The following KIFC3 variants were observed in gnomAD, a reference collection of about 807,000 sequenced individuals.
KIFC3 encodes kinesin family member C3, also known as kinesin-like protein KIFC3.
In KIFC3, 60 loss-of-function variants were observed where a neutral mutation model predicts 101.8. The ratio of observed to expected loss-of-function variants is 0.59; its 90% CI spans 0.48 to 0.73. The LOEUF is 0.73. Among genes scored for constraint, KIFC3 ranks in the 30% least tolerant of loss-of-function variants. KIFC3 has a pLI of 0.00. For missense variants in KIFC3, 966 were observed against 1,137.1 expected, an observed-to-expected ratio of 0.85 and a Z score of 2.16; for synonymous variants, 476 against 482.7, an observed-to-expected ratio of 0.99 and a Z score of 0.18.
chr16:57,848,674 C>T (rs1412735264), intron 1 of KIFC3, among the ~76,000 whole-genome samples: 1 of 152,124 alleles, frequency 6.6e-6, no homozygotes, highest in Non-Finnish European at 1.5e-5. Context: ...ATCTCCGATT[C>T]TGTGTGCAGA....
chr16:57,845,380 T>G (rs541890243), intron 1 of KIFC3, among the ~76,000 whole-genome samples: 3 of 152,318 alleles, frequency 2.0e-5, no homozygotes, highest in Admixed American at 1.3e-4. Context: ...TTGTTAAAAC[T>G]GAAGCCAATC....
intron 12 of KIFC3, among the ~76,000 whole-genome samples, chr16:57,763,289 C>A (rs907982028): frequency 8.5e-5 from 13 of 152,174 alleles, no homozygotes; most frequent in African/African-American, 3.1e-4. Flanking sequence ...ACTAAGCAAT[C>A]CCAAAGCAGA....
intron 1 of KIFC3, among the ~76,000 whole-genome samples, chr16:57,818,239 G>C (rs112829312): frequency 2.7e-4 from 41 of 151,778 alleles, no homozygotes; most frequent in African/African-American, 9.9e-4. Context: ...GAGCCACCAT[G>C]CCTGGTCTAT....
chr16:57,794,891 T>G (rs2054165396), intron 3 of KIFC3, 108 bp downstream of exon 3: 1 of 1,042,390 alleles, frequency 9.6e-7, no homozygotes, highest in South Asian at 1.9e-5. Flanking sequence ...GCGAGGTGGG[T>G]CCCCGGCTCT....
chr16:57,760,812 C>G lies in KIFC3; in HGVS notation c.2146G>C (p.Gly716Arg). The part of the protein sequence containing the change: ...DVIAALRSRQ[G>R]HVPFRNSKLT... ...TTGGAGTTGCGGAAGGGCACGTGGC[C>G]CTGGCGGGAGCGCAGGGCAGCAATG... The change falls in exon 16 of 20, where the codon GGC becomes CGC. Residue 716 changes from glycine (G) to arginine (R), a missense_variant. Gly to Arg is a moderately radical substitution (Grantham distance 125, BLOSUM62 -2). Transcript: ENST00000445690. The G allele has an allele frequency of 1.2e-6, 2 of 1,613,604 alleles. No individual in the cohort carries two copies. The highest frequency in any genetic ancestry group is 1.7e-6 in the Non-Finnish European group (2 of 1,180,004).
upstream of KIFC3, among the ~76,000 whole-genome samples, chr16:57,805,667 C>T (rs1489507302): frequency 1.4e-5 from 2 of 143,428 alleles, no homozygotes; most frequent in Admixed American, 7.5e-5. Context: ...GTGGTATGCC[C>T]ATAGACTTTT....
At chr16:57,768,137 C>T (rs1165806185) in intron 9 of KIFC3, among the ~76,000 whole-genome samples, 1 of 152,080 alleles carries the variant, frequency 6.6e-6, no homozygotes, top group Non-Finnish European at 1.5e-5. Flanking sequence ...ACCAGCCTGG[C>T]CAACATGGTG....
chr16:57,833,987 T>C (rs781796180), intron 1 of KIFC3, among the ~76,000 whole-genome samples: 1 of 149,598 alleles, frequency 6.7e-6, no homozygotes, highest in African/African-American at 2.5e-5. Context: ...CTCAGCCTCC[T>C]GAGTAGCTGG....
intron 1 of KIFC3, among the ~76,000 whole-genome samples, chr16:57,823,276 G>A (rs1454572846): frequency 1.3e-5 from 2 of 152,070 alleles, no homozygotes; most frequent in African/African-American, 2.4e-5. Flanking sequence ...ATCAACCTAT[G>A]ACCTGGAAGC....
At chr16:57,797,935 G>T in intron 2 of KIFC3, 137 bp downstream of exon 2, 1 of 1,529,932 alleles carries the variant, frequency 6.5e-7, no homozygotes, top group East Asian at 2.5e-5. Context: ...CGCCCGCCTG[G>T]CTCTGGGCTG....
chr16:57,803,068 G>C, upstream of KIFC3: 2 of 1,533,548 alleles, frequency 1.3e-6, no homozygotes, highest in South Asian at 1.2e-5. Context: ...CCTACTCGCT[G>C]GCCAGGCCGC....
At chr16:57,857,913 G>T (rs1405548239) in intron 1 of KIFC3, among the ~76,000 whole-genome samples, 1 of 129,848 alleles carries the variant, frequency 7.7e-6, no homozygotes, top group South Asian at 2.6e-4. Context: ...TGCAACTTCC[G>T]CCTCCTGGGT....
chr16:57,822,432 T>C (rs2055368776), intron 1 of KIFC3, among the ~76,000 whole-genome samples: 1 of 152,200 alleles, frequency 6.6e-6, no homozygotes, highest in Non-Finnish European at 1.5e-5. Flanking sequence ...CTGGGCGCGG[T>C]GGCTCACACC....
At chr16:57,845,704 C>T (rs2055904441) in intron 1 of KIFC3, among the ~76,000 whole-genome samples, 1 of 152,166 alleles carries the variant, frequency 6.6e-6, no homozygotes, top group African/African-American at 2.4e-5. Flanking sequence ...CACCTCTGCC[C>T]CAAGCTCTTT....
Position 57,797,813 on chromosome 16 carries a change from C to T in KIFC3, c.172+259G>A, listed in dbSNP as rs368748653. The T allele has an allele frequency of 8.6e-5, 120 of 1,398,732 alleles. No homozygotes were observed. The African/African-American group carries it at 1.7e-3, about 20-fold the overall frequency. The allele number at this position is 1,398,732 out of a possible 1,614,324, so 86.6% of individuals were successfully genotyped here. On this transcript the variant is annotated intron_variant, in intron 2 of 19. Transcript: ENST00000445690. Reference sequence around the variant, plus strand: ...TGGCCAGAGGGAATGCAGCTGATTCCCCCTGCTCTGTGCCCGACCCGTGTT... The same window carrying T: ...TGGCCAGAGGGAATGCAGCTGATTCTCCCTGCTCTGTGCCCGACCCGTGTT...
rs1395322661 is a variant in KIFC3 at position 57,760,789 on chromosome 16, G to T, written c.2169C>A (p.Ser723=). The change falls in exon 16 of 20, where the codon TCC becomes TCA. Residue 723 remains serine, a synonymous_variant. Coordinates refer to ENST00000445690, the MANE Select transcript of KIFC3 (RefSeq NM_001130100.2). ...AATCCTGCAGCAGGTAGGTGAGCTTGGAGTTGCGGAAGGGCACGTGGCCCT... is the reference window on the plus strand; with the variant it reads ...AATCCTGCAGCAGGTAGGTGAGCTTTGAGTTGCGGAAGGGCACGTGGCCCT... ...SRQGHVPFRN[S]KLTYLLQDSL... The T allele has an allele frequency of 6.2e-7, 1 of 1,613,766 alleles. No homozygotes were observed. The highest frequency in any genetic ancestry group is 8.5e-7 in the Non-Finnish European group (1 of 1,180,020).
intron 7 of KIFC3, among the ~76,000 whole-genome samples, 160 bp downstream of exon 7, chr16:57,770,367 A>G (rs1330009239): frequency 6.6e-6 from 1 of 152,238 alleles, no homozygotes; most frequent in Non-Finnish European, 1.5e-5. Flanking sequence ...GATGAGGAAA[A>G]GGAAACCAGA....
chr16:57,768,891 T>C (rs1193880390), intron 9 of KIFC3, among the ~76,000 whole-genome samples: 2 of 152,086 alleles, frequency 1.3e-5, no homozygotes, highest in Non-Finnish European at 2.9e-5. Flanking sequence ...TATCGGCCAG[T>C]CATGGTGGCT....
chr16:57,840,899 T>C (rs2055793497), intron 1 of KIFC3, among the ~76,000 whole-genome samples: 1 of 152,180 alleles, frequency 6.6e-6, no homozygotes, highest in Admixed American at 6.5e-5. Flanking sequence ...CCAGATGTCT[T>C]TGGAAGCCTC....
Sources: allele counts gnomAD v4.1 joint callset (sites outside exome capture counted in the v4.1 genomes callset), GRCh38; gene constraint gnomAD v4.1.1; transcripts MANE v1.5; gene names NCBI Gene and HGNC (gene_info 2026-07-23, HGNC 2026-07-21).